SBF2: variants seen among roughly 807,000 people sequenced by gnomAD.
The protein encoded by SBF2 is myotubularin-related protein 13.
A neutral mutation model predicts 225.2 loss-of-function variants in SBF2; 112 were observed. The observed-to-expected ratio is 0.50, with a 90% CI of 0.43 to 0.58. The LOEUF (loss-of-function observed/expected upper bound fraction) is 0.58, where lower values mean the gene tolerates loss of function less well. SBF2 is among the 20% of genes least tolerant of loss of function. SBF2 has a pLI of 0.00. For missense variants in SBF2, 1,996 were observed against 2,206.2 expected (o/e 0.90, Z 1.91); for synonymous variants, 763 against 773.3 (o/e 0.99, Z 0.22).
intron 16 of SBF2, among the ~76,000 whole-genome samples, chr11:9,903,605 G>A (rs1432651370): frequency 2.6e-5 from 4 of 152,136 alleles, no homozygotes; most frequent in African/African-American, 4.8e-5. Flanking sequence ...GCTTTAGAAC[G>A]GGAAAGAAAT....
intron 2 of SBF2, among the ~76,000 whole-genome samples, chr11:10,063,955 T>C (rs973064354): frequency 1.3e-5 from 2 of 151,480 alleles, no homozygotes; most frequent in East Asian, 3.9e-4. Flanking sequence ...AATTAAGGCG[T>C]CGGGGGGAGC....
chr11:10,276,270 A>C (rs961830937), intron 1 of SBF2, among the ~76,000 whole-genome samples: 1 of 152,210 alleles, frequency 6.6e-6, no homozygotes, highest in Non-Finnish European at 1.5e-5. Context: ...CTGTGTAACA[A>C]GTTTTAAATT....
Position 10,193,391 on chromosome 11 carries a change from G to A in SBF2, c.141+511C>T, listed in dbSNP as rs192956118. On this transcript the variant is annotated intron_variant, in intron 2 of 39. Transcript: ENST00000256190. ...TTTTTTTGAGAGGGAGTCTTGCTCT[G>A]TCGCCCAGGCTAGAGCGCAGTGGCA... Among the ~76,000 whole-genome samples the A allele has an allele frequency of 5.0e-4, 57 of 114,994 alleles. 1 individual carries two copies. The highest frequency in any genetic ancestry group is 1.7e-3 in the African/African-American group (51 of 29,384). The allele number at this position is 114,994 out of a possible 152,430, so 75.4% of individuals were successfully genotyped here.
chr11:10,229,260 A>T (rs1958719157), intron 1 of SBF2, among the ~76,000 whole-genome samples: 1 of 152,088 alleles, frequency 6.6e-6, no homozygotes, highest in South Asian at 2.1e-4. Flanking sequence ...ATCTTTTCAA[A>T]AAACCAGCTC....
intron 16 of SBF2, among the ~76,000 whole-genome samples, chr11:9,899,884 A>G (rs974001586): frequency 6.6e-6 from 1 of 152,134 alleles, no homozygotes; most frequent in African/African-American, 2.4e-5. Flanking sequence ...AGGACTTCCT[A>G]TTTTTATGGT....
intron 1 of SBF2, among the ~76,000 whole-genome samples, chr11:10,278,553 G>A (rs1490140527): frequency 1.3e-5 from 2 of 152,134 alleles, no homozygotes; most frequent in East Asian, 1.9e-4. Flanking sequence ...GGCCAAGGCG[G>A]GTGGATTACC....
In SBF2 at chr11:9,959,729, G is replaced by A. The variant is rs562831727; in HGVS notation, c.1860+2228C>T. On this transcript the variant is annotated intron_variant, in intron 16 of 39. Transcript: ENST00000256190. ...GCCTGGACTTTCTCACCCTGAGGTAGGGACATGTACACCTGCTTGACGCCT... is the reference window on the plus strand; with the variant it reads ...GCCTGGACTTTCTCACCCTGAGGTAAGGACATGTACACCTGCTTGACGCCT... The A allele has an allele frequency of 7.7e-5, 53 of 686,116 alleles. No individual in the cohort carries two copies. In the East Asian group the frequency reaches 1.8e-3, roughly 23 times the overall value. 42.5% of individuals were successfully genotyped at this position (686,116 alleles called of 1,614,324 possible).
chr11:10,008,663 G>C (rs1948304948), intron 6 of SBF2, among the ~76,000 whole-genome samples: 1 of 152,214 alleles, frequency 6.6e-6, no homozygotes, highest in Non-Finnish European at 1.5e-5. Flanking sequence ...AAAAAGCCTT[G>C]CATGGCTTGC....
chr11:10,258,405 A>G (rs902467736), intron 1 of SBF2, among the ~76,000 whole-genome samples: 6 of 152,348 alleles, frequency 3.9e-5, no homozygotes, highest in African/African-American at 1.4e-4. Context: ...CATTGTGCCC[A>G]GCCAAGAGGT....
intron 2 of SBF2, among the ~76,000 whole-genome samples, chr11:10,139,461 G>A (rs1591048970): frequency 6.6e-6 from 1 of 152,198 alleles, no homozygotes; most frequent in East Asian, 1.9e-4. Context: ...TATTAGAAGT[G>A]TAGCACCAGA....
intron 2 of SBF2, among the ~76,000 whole-genome samples, chr11:10,102,443 T>C (rs1416591189): frequency 4.6e-5 from 7 of 152,206 alleles, no homozygotes; most frequent in Admixed American, 2.0e-4. Flanking sequence ...CAGCTTGACA[T>C]ACAAGGTTGC....
intron 2 of SBF2, among the ~76,000 whole-genome samples, chr11:10,071,425 C>A (rs1950873405): frequency 6.6e-6 from 1 of 152,068 alleles, no homozygotes. Flanking sequence ...CGCAACCACG[C>A]CTGGCTAATT....
intron 16 of SBF2, among the ~76,000 whole-genome samples, chr11:9,917,322 C>G (rs1463158762): frequency 2.0e-5 from 3 of 151,240 alleles, no homozygotes; most frequent in Non-Finnish European, 4.4e-5. Flanking sequence ...GGTCCCATTA[C>G]AAGTTTTTTT....
At chr11:10,189,870 G>A (rs1339271814) in intron 2 of SBF2, among the ~76,000 whole-genome samples, 14 of 151,744 alleles carry the variant, frequency 9.2e-5, no homozygotes, top group Admixed American at 2.0e-4. Flanking sequence ...AGCTAAGGTC[G>A]GCTGGGTGTG....
intron 2 of SBF2, among the ~76,000 whole-genome samples, chr11:10,124,268 C>T (rs1017192166): frequency 6.6e-6 from 1 of 152,118 alleles, no homozygotes; most frequent in East Asian, 1.9e-4. Context: ...TACCACAGTA[C>T]ACTAACATTA....
chr11:10,202,444 C>A (rs1328812150), intron 1 of SBF2, among the ~76,000 whole-genome samples: 1 of 152,168 alleles, frequency 6.6e-6, no homozygotes, highest in Non-Finnish European at 1.5e-5. Flanking sequence ...ACACTAATTT[C>A]TCTGATCAAA....
intron 19 of SBF2, among the ~76,000 whole-genome samples, chr11:9,854,995 A>G (rs1318726955): frequency 1.3e-5 from 2 of 152,258 alleles, no homozygotes; most frequent in Non-Finnish European, 2.9e-5. Flanking sequence ...GCTAAGGAAT[A>G]TCTTACAAAT....
chr11:9,787,820 G>A, intron 35 of SBF2, 82 bp from the exon 36 acceptor site: 4 of 1,163,460 alleles, frequency 3.4e-6, no homozygotes, highest in Non-Finnish European at 5.1e-6. Context: ...TCTGTACTAG[G>A]CCCAGATGAG....
At chr11:10,014,882 C>G (rs886584480) in intron 6 of SBF2, among the ~76,000 whole-genome samples, 1 of 152,110 alleles carries the variant, frequency 6.6e-6, no homozygotes, top group Non-Finnish European at 1.5e-5. Flanking sequence ...GTAATCCCAG[C>G]ACTTTGGGAG....
Sources: allele counts gnomAD v4.1 joint callset (sites outside exome capture counted in the v4.1 genomes callset), GRCh38; gene constraint gnomAD v4.1.1; transcripts MANE v1.5; gene names NCBI Gene and HGNC (gene_info 2026-07-23, HGNC 2026-07-21).